CFAP100: variants seen among roughly 807,000 people sequenced by gnomAD.
CFAP100 encodes the protein cilia- and flagella-associated protein 100.
Under a neutral mutation model 81.5 loss-of-function variants are expected in CFAP100, and 70 were observed. The ratio of observed to expected loss-of-function variants is 0.86; its 90% confidence interval spans 0.71 to 1.05. CFAP100 has a LOEUF of 1.05. Ranked by LOEUF, CFAP100 falls within the 50% of genes least tolerant of loss-of-function variation. CFAP100 has a pLI of 0.00. For synonymous variants in CFAP100, 341 were observed against 314.8 expected, an observed-to-expected ratio of 1.08 and a Z score of -0.88; for missense variants, 811 against 776.5, an observed-to-expected ratio of 1.04 and a Z score of -0.53.
chr3:126,436,320 AC>A lies in CFAP100; in HGVS notation c.1757del (p.Pro586GlnfsTer13). 6.2e-7 allele frequency: 1 copy of A among 1,613,652 alleles called. No individual in the cohort carries two copies. Among genetic ancestry groups the A allele is most frequent in the East Asian group, 2.2e-5 (1 of 44,846 alleles). On this transcript the variant is annotated frameshift_variant, in exon 17 of 17. Transcript: ENST00000352312. LOFTEE classifies it low-confidence loss of function (END_TRUNC). Reference sequence around the variant, plus strand: ...GCAGGACACTGGTATGCCGCTCACGACCCCCAGCCCACAGGATCAAACAACA... The same window carrying A: ...GCAGGACACTGGTATGCCGCTCACGACCCCAGCCCACAGGATCAAACAACA... ...RGRTLVCRSR[P>X]PAHRIKQQSE...
At position 126,436,546 on chromosome 3, in the gene CFAP100, G is replaced by C. The variant is rs1933455025; in HGVS notation, c.*142G>C. On this transcript the variant is annotated 3_prime_UTR_variant, in exon 17 of 17. Transcript: ENST00000352312. ...CCCTTCCTCACCTGAATAAATTCAT[G>C]TCTCTCTGGAGTCTTGAAGGCCTGC... is the stretch of plus-strand genomic sequence containing the variant. 3 of 637,644 alleles carry C rather than the reference G, an allele frequency of 4.7e-6. No individual in the cohort carries two copies. Among genetic ancestry groups the C allele is most frequent in the Non-Finnish European group, 8.4e-6 (3 of 355,984 alleles). 39.5% of individuals were successfully genotyped at this position (637,644 alleles called of 1,614,324 possible).
At chr3:126,397,870 C>T (rs1241112203) in intron 2 of CFAP100, among the ~76,000 whole-genome samples, 1 of 152,208 alleles carries the variant, frequency 6.6e-6, no homozygotes, top group Non-Finnish European at 1.5e-5. Context: ...GATAGGACCC[C>T]CCCTCAACCA....
At chr3:126,424,541 G>T (rs889189443) in intron 13 of CFAP100, among the ~76,000 whole-genome samples, 4 of 152,240 alleles carry the variant, frequency 2.6e-5, no homozygotes, top group Non-Finnish European at 5.9e-5. Flanking sequence ...GCAGGGCAGG[G>T]TCAGCCTGAG....
Position 126,425,177 on chromosome 3 carries a change from C to T in CFAP100, c.1286+1533C>T, listed in dbSNP as rs533189044. On this transcript the variant is annotated intron_variant, in intron 13 of 16. Transcript: ENST00000352312. The stretch of plus-strand genomic sequence containing the variant: ...AGGTTCCTCCTCCAACACATGCATG[C>T]AAACGTAAACCTCATAGCAGAATGC... Among the ~76,000 whole-genome samples, 145 of 152,316 alleles carry T rather than the reference C, an allele frequency of 9.5e-4. No homozygotes were observed. The South Asian group carries it at 0.023, about 24-fold the overall frequency.
chr3:126,404,395 A>G (rs1334015247), intron 2 of CFAP100, among the ~76,000 whole-genome samples: 1 of 152,234 alleles, frequency 6.6e-6, no homozygotes, highest in African/African-American at 2.4e-5. Context: ...GAGATTGTTT[A>G]TCTAGACAAA....
chr3:126,418,937 G>A (rs1409702743), intron 7 of CFAP100, 139 bp from the exon 8 acceptor site: 1 of 1,033,914 alleles, frequency 9.7e-7, no homozygotes, highest in Non-Finnish European at 1.4e-6. Context: ...ACGGGCAAAA[G>A]GCTTAACTGT....
intron 2 of CFAP100, among the ~76,000 whole-genome samples, chr3:126,398,019 A>T (rs1474693013): frequency 6.6e-6 from 1 of 152,254 alleles, no homozygotes; most frequent in Non-Finnish European, 1.5e-5. Context: ...CCAACTGGGT[A>T]GGGCCTGTGG....
chr3:126,433,052 G>C lies in CFAP100; in HGVS notation c.1287-17G>C. ...GTGCTGAGTGACTGATGCCCTGCCG[G>C]TTTTCCCCTCTTCCAGGGACAGGGA... On this transcript the variant is annotated splice_polypyrimidine_tract_variant and intron_variant, in intron 13 of 16. Coordinates refer to ENST00000352312, the MANE Select transcript of CFAP100 (RefSeq NM_182628.3). The C allele has an allele frequency of 1.2e-6, 2 of 1,613,840 alleles. No homozygotes were observed. The highest frequency in any genetic ancestry group is 1.7e-6 in the Non-Finnish European group (2 of 1,179,888).
intron 2 of CFAP100, among the ~76,000 whole-genome samples, chr3:126,402,144 G>A (rs140591311): frequency 0.011 from 1,608 of 152,336 alleles, 30 homozygotes; most frequent in African/African-American, 0.034. Context: ...GCTGTGGCCA[G>A]GCAGATGCCA....
intron 15 of CFAP100, 92 bp downstream of exon 15, chr3:126,434,473 G>A: frequency 8.0e-7 from 1 of 1,250,598 alleles, no homozygotes; most frequent in South Asian, 1.4e-5. Flanking sequence ...AGCACTCCCA[G>A]GAGACAGGCC....
Position 126,435,611 on chromosome 3 carries a change from CA to C in CFAP100, c.1682del (p.Gln561ArgfsTer38). Reference sequence around the variant, plus strand: ...AAAGATCCTACAGGAGGAGCATCTGCAGCGGGCCCGGGCGCGCGCCCAGGCT... The same window carrying C: ...AAAGATCCTACAGGAGGAGCATCTGCGCGGGCCCGGGCGCGCGCCCAGGCT... ...MQKILQEEHL[Q>X]RARARAQAEI... On this transcript the variant is annotated frameshift_variant, in exon 16 of 17. Transcript: ENST00000352312. LOFTEE classifies it low-confidence loss of function (END_TRUNC). 2 of 1,612,734 alleles carry C rather than the reference CA, an allele frequency of 1.2e-6. No individual in the cohort carries two copies. The highest frequency in any genetic ancestry group is 1.7e-6 in the Non-Finnish European group (2 of 1,179,002).
At chr3:126,409,785 T>C (rs12491187) in intron 3 of CFAP100, among the ~76,000 whole-genome samples, 18,481 of 152,294 alleles carry the variant, frequency 0.12, 1,182 homozygotes, top group South Asian at 0.21. Flanking sequence ...GCCTGTTTAT[T>C]TTAACGATTT....
intron 2 of CFAP100, among the ~76,000 whole-genome samples, chr3:126,400,625 A>G (rs1001368842): frequency 1.2e-4 from 19 of 152,098 alleles, no homozygotes; most frequent in Non-Finnish European, 2.2e-4. Context: ...GGTGGCGGGC[A>G]CCTGTAGTCC....
chr3:126,419,045 C>CCAACCCCCA, intron 7 of CFAP100, 31 bp from the exon 8 acceptor site: 1 of 858,120 alleles, frequency 1.2e-6, no homozygotes, highest in Non-Finnish European at 1.9e-6. Flanking sequence ...CCCTTGCCCC[C>CCAACCCCCA]ATCCCTCCTC....
At chr3:126,433,342 T>A in intron 14 of CFAP100, 138 bp downstream of exon 14, 1 of 1,042,536 alleles carries the variant, frequency 9.6e-7, no homozygotes, top group Non-Finnish European at 1.4e-6. Flanking sequence ...TTGCCCTGCC[T>A]CCCTCCAGGA....
chr3:126,427,412 G>T (rs1436524591), intron 13 of CFAP100, among the ~76,000 whole-genome samples: 1 of 152,196 alleles, frequency 6.6e-6, no homozygotes, highest in African/African-American at 2.4e-5. Context: ...TGGAGCAATG[G>T]ATAACCAAAG....
At chr3:126,402,997 G>A (rs536771845) in intron 2 of CFAP100, among the ~76,000 whole-genome samples, 3 of 152,242 alleles carry the variant, frequency 2.0e-5, no homozygotes, top group Admixed American at 1.3e-4. Flanking sequence ...GAGGGTGTCG[G>A]GGATGCCTTG....
intron 13 of CFAP100, among the ~76,000 whole-genome samples, chr3:126,429,495 TTCTG>T (rs1455301678): frequency 2.6e-5 from 4 of 152,172 alleles, no homozygotes; most frequent in East Asian, 3.8e-4. Flanking sequence ...TGTTCATTTT[TTCTG>T]TCTGTTTCAC....
At chr3:126,424,993 G>A (rs776499229) in intron 13 of CFAP100, among the ~76,000 whole-genome samples, 16 of 152,338 alleles carry the variant, frequency 1.1e-4, no homozygotes, top group African/African-American at 2.9e-4. Context: ...CCCATGTCCC[G>A]TTGGTGCAGT....
Sources: allele counts gnomAD v4.1 joint callset (sites outside exome capture counted in the v4.1 genomes callset), GRCh38; gene constraint gnomAD v4.1.1; transcripts MANE v1.5; gene names NCBI Gene and HGNC (gene_info 2026-07-23, HGNC 2026-07-21).